The following MCHR2 variants were observed in gnomAD, a reference collection of about 807,000 sequenced individuals.
The protein encoded by MCHR2 is melanin concentrating hormone receptor 2.
In MCHR2, 15 loss-of-function variants were observed where a neutral mutation model predicts 24.8. The observed-to-expected ratio is 0.60, with a 90% CI of 0.40 to 0.93. The LOEUF is 0.93. MCHR2 is among the 40% of genes least tolerant of loss of function. The probability of loss-of-function intolerance (pLI) is 0.00; values close to 1 mark genes in which losing one functional copy is unlikely to be tolerated. For synonymous variants in MCHR2, 151 were observed against 147.6 expected, an observed-to-expected ratio of 1.02 and a Z score of -0.17; for missense variants, 386 against 408.7, an observed-to-expected ratio of 0.94 and a Z score of 0.48.
chr6:99,951,197 C>T (rs1040620831), intron 2 of MCHR2, among the ~76,000 whole-genome samples: 2 of 152,038 alleles, frequency 1.3e-5, no homozygotes, highest in African/African-American at 4.8e-5. Context: ...TCTTGTTAAT[C>T]TCTGGGTTGC....
intron 5 of MCHR2, 29 bp downstream of exon 5, chr6:99,934,369 T>G (rs1385312485): frequency 3.2e-6 from 5 of 1,540,086 alleles, no homozygotes; most frequent in Non-Finnish European, 4.3e-6. Flanking sequence ...AATTGTTCTT[T>G]TAACAAATAA....
intron 1 of MCHR2, among the ~76,000 whole-genome samples, chr6:99,991,190 G>A (rs956513408): frequency 6.6e-6 from 1 of 151,986 alleles, no homozygotes; most frequent in Admixed American, 6.6e-5. Context: ...TGGGGCCCAG[G>A]ACCTCCACAG....
At chr6:99,991,808 CAAAAAAAAA>C (rs3038469) in intron 1 of MCHR2, among the ~76,000 whole-genome samples, 2 of 82,068 alleles carry the variant, frequency 2.4e-5, no homozygotes, top group African/African-American at 9.3e-5. Context: ...GACTCCGTCT[CAAAAAAAAA>C]AAAAAAAAAG....
intron 3 of MCHR2, among the ~76,000 whole-genome samples, chr6:99,943,667 T>C (rs1441077873): frequency 1.3e-5 from 2 of 152,134 alleles, no homozygotes; most frequent in African/African-American, 4.8e-5. Flanking sequence ...ACATGAAAGT[T>C]ATATTTTTTA....
intron 2 of MCHR2, among the ~76,000 whole-genome samples, chr6:99,953,187 C>T (rs72938064): frequency 6.6e-6 from 1 of 152,228 alleles, no homozygotes; most frequent in Non-Finnish European, 1.5e-5. Flanking sequence ...AGAAATTTCT[C>T]TGGCTCCAGA....
rs1475356720 is a variant in MCHR2 at position 99,918,628 on chromosome 6, C to A, written c.*2312G>T. Among the ~76,000 whole-genome samples the A allele has an allele frequency of 1.3e-5, 2 of 151,982 alleles. No individual in the cohort carries two copies. The highest frequency in any genetic ancestry group is 4.8e-5 in the African/African-American group (2 of 41,384). On this transcript the variant is annotated 3_prime_UTR_variant, in exon 6 of 6. Transcript: ENST00000281806. ...TATTATTTGACTGAGTGACAAATAC[C>A]CAAGTATCATTATTAACTTCATTTG...
Position 99,956,141 on chromosome 6 carries a change from G to A in MCHR2, c.7C>T (p.Pro3Ser), listed in dbSNP as rs748016742. 8 of 1,609,964 alleles carry A rather than the reference G, an allele frequency of 5.0e-6. No homozygotes were observed. Among genetic ancestry groups the A allele is most frequent in the Non-Finnish European group, 5.9e-6 (7 of 1,177,978 alleles). Residue 3 changes from proline (P) to serine (S), a missense_variant, in exon 2 of 6, where the codon CCA becomes TCA. By Grantham distance (74) the Pro-to-Ser change is moderately conservative (BLOSUM62 -1). Transcript: ENST00000281806. MN[P>S]FHASCWNTSA... ...GTGTTCCAACAAGATGCATGAAATG[G>A]ATTCATTGTTCGTGGACTTTCCAGG...
chr6:99,974,320 A>T (rs1021323397), intron 1 of MCHR2, among the ~76,000 whole-genome samples: 4 of 152,078 alleles, frequency 2.6e-5, no homozygotes, highest in Non-Finnish European at 5.9e-5. Flanking sequence ...TCATCTTCCA[A>T]CACTGATACA....
At chr6:99,955,555 T>C (rs1775042844) in intron 2 of MCHR2, among the ~76,000 whole-genome samples, 1 of 152,156 alleles carries the variant, frequency 6.6e-6, no homozygotes, top group Non-Finnish European at 1.5e-5. Context: ...ATAATTCTTA[T>C]TGCTGGAAAA....
intron 2 of MCHR2, 30 bp downstream of exon 2, chr6:99,955,936 G>GA (rs756442150): frequency 0.1 from 116,456 of 1,138,044 alleles, 1 homozygote; most frequent in Non-Finnish European, 0.11. Context: ...AGTATGGAAG[G>GA]AAAAAAAAAA....
chr6:99,956,108 C>A lies in MCHR2; in HGVS notation c.40G>T (p.Glu14Ter), dbSNP rs142259467. The A allele has an allele frequency of 6.2e-7, 1 of 1,613,034 alleles. No individual in the cohort carries two copies. Among genetic ancestry groups the A allele is most frequent in the East Asian group, 2.2e-5 (1 of 44,850 alleles). The change falls in exon 2 of 6, where the codon GAA becomes TAA. Residue 14 changes from glutamate (E) to a stop codon, truncating the protein, a stop_gained. Transcript: ENST00000281806. LOFTEE classifies it high-confidence loss of function. ...FHASCWNTSA[E>*]LLNKSWNKEF... ...TTATTCCAGGATTTGTTTAAAAGTT[C>A]GGCAGAGGTGTTCCAACAAGATGCA...
At chr6:99,943,221 A>T (rs531932406) in intron 3 of MCHR2, 78 bp from the exon 4 acceptor site, 2 of 1,149,346 alleles carry the variant, frequency 1.7e-6, no homozygotes, top group East Asian at 5.0e-5. Flanking sequence ...TCATGATGAG[A>T]GTAAATTCTT....
At chr6:99,958,206 T>C (rs1206932356) in intron 1 of MCHR2, among the ~76,000 whole-genome samples, 3 of 152,004 alleles carry the variant, frequency 2.0e-5, no homozygotes, top group Non-Finnish European at 4.4e-5. Context: ...ACTTGATATA[T>C]GAAAAGATGT....
chr6:99,959,519 T>G (rs1370323726), intron 1 of MCHR2, among the ~76,000 whole-genome samples: 1 of 150,616 alleles, frequency 6.6e-6, no homozygotes, highest in African/African-American at 2.4e-5. Context: ...CAAGTAAATT[T>G]TCAGAAATTG....
chr6:99,993,797 AG>A (rs1775933866), intron 1 of MCHR2, 138 bp downstream of exon 1: 1 of 152,210 alleles, frequency 6.6e-6, no homozygotes, highest in African/African-American at 2.4e-5. Flanking sequence ...CCCAGCAATC[AG>A]ACACTACCGG....
chr6:99,934,287 C>T, intron 5 of MCHR2, 111 bp downstream of exon 5: 1 of 1,119,418 alleles, frequency 8.9e-7, no homozygotes, highest in Non-Finnish European at 1.2e-6. Context: ...TATCAATGTC[C>T]ACATGTCTAA....
chr6:99,930,505 T>G (rs1774494508), intron 5 of MCHR2, among the ~76,000 whole-genome samples: 1 of 152,214 alleles, frequency 6.6e-6, no homozygotes, highest in East Asian at 1.9e-4. Context: ...TCTTTTCACA[T>G]AGTCCCATAT....
At chr6:99,923,054 T>G (rs1774272124) in intron 5 of MCHR2, among the ~76,000 whole-genome samples, 1 of 152,194 alleles carries the variant, frequency 6.6e-6, no homozygotes, top group African/African-American at 2.4e-5. Flanking sequence ...TTTGGTGTCC[T>G]CTTCAATTTC....
intron 1 of MCHR2, among the ~76,000 whole-genome samples, chr6:99,968,302 A>T (rs965474707): frequency 7.2e-5 from 11 of 152,206 alleles, no homozygotes; most frequent in African/African-American, 2.7e-4. Flanking sequence ...TTTAGTTCAA[A>T]ACACTTCAGA....
Sources: gnomAD v4.1 joint callset for allele counts (sites outside exome capture counted in the v4.1 genomes callset) on GRCh38, gnomAD v4.1.1 for gene constraint, MANE v1.5 for transcripts, NCBI Gene and HGNC (gene_info 2026-07-23, HGNC 2026-07-21) for gene names.